Variants in EPHX1 observed in about 807,000 individuals in gnomAD.
EPHX1 encodes epoxide hydratase.
A neutral mutation model predicts 43.2 loss-of-function variants in EPHX1; 40 were observed. The observed-to-expected ratio is 0.93, with a 90% CI of 0.72 to 1.21. The LOEUF is 1.21. Ranked by LOEUF, EPHX1 falls within the 50% of genes most tolerant of loss-of-function variation. EPHX1 has a pLI of 0.00. For synonymous variants in EPHX1, 221 were observed against 226.7 expected (o/e 0.98, Z 0.22); for missense variants, 550 against 570.4 (o/e 0.96, Z 0.36).
In EPHX1 at chr1:225,839,211, T is replaced by TG; in HGVS notation, c.593-5dup. 1.9e-6 allele frequency: 3 copies of TG among 1,614,052 alleles called. No individual in the cohort carries two copies. Among genetic ancestry groups the TG allele is most frequent in the Non-Finnish European group, 2.5e-6 (3 of 1,180,022 alleles). The stretch of plus-strand genomic sequence containing the variant: ...GTGACTCCATGCCTTTCCCCATCAC[T>TG]GCCAGGGTTCAACTCGGTGGCCACC... On this transcript the variant is annotated splice_polypyrimidine_tract_variant and splice_region_variant and intron_variant, in intron 4 of 8. Coordinates refer to ENST00000272167, the MANE Select transcript of EPHX1 (RefSeq NM_001136018.4).
chr1:225,839,751 T>G, intron 5 of EPHX1, 78 bp from the exon 6 acceptor site: 1 of 1,473,962 alleles, frequency 6.8e-7, no homozygotes. Flanking sequence ...CCCTGAGGCC[T>G]GTTCCTCCGC....
chr1:225,833,101 T>C (rs1322039344), intron 3 of EPHX1, among the ~76,000 whole-genome samples: 3 of 152,184 alleles, frequency 2.0e-5, no homozygotes, highest in Admixed American at 2.0e-4. Flanking sequence ...CAAGCAATCC[T>C]CTCGCCTCAG....
At chr1:225,844,264 T>G (rs1576048521) in intron 7 of EPHX1, among the ~76,000 whole-genome samples, 4 of 136,282 alleles carry the variant, frequency 2.9e-5, no homozygotes, top group East Asian at 2.2e-4. Context: ...AGAGGCAAGG[T>G]GGGTGGGGGG....
In EPHX1 at chr1:225,839,331, C is replaced by G; in HGVS notation, c.707C>G (p.Ala236Gly). 1 of 1,613,590 alleles carries G rather than the reference C, an allele frequency of 6.2e-7. No homozygotes were observed. Among genetic ancestry groups the G allele is most frequent in the Non-Finnish European group, 8.5e-7 (1 of 1,179,952 alleles). The change falls in exon 5 of 9, where the codon GCC (alanine) becomes GGC (glycine). Residue 236 changes from alanine to glycine, a missense_variant. Coordinates refer to ENST00000272167, the MANE Select transcript of EPHX1 (RefSeq NM_001136018.4). ...GGGTCCCTGATCTGCACTAATATGG[C>G]CCAGCTGGTGCCCAGGTGAGGTCAC... ...DWGSLICTNMAQLVPSHVKGL... is the reference protein window; with the variant it reads ...DWGSLICTNMGQLVPSHVKGL...
At chr1:225,818,453 G>C (rs1406056372) in intron 1 of EPHX1, among the ~76,000 whole-genome samples, 1 of 152,134 alleles carries the variant, frequency 6.6e-6, no homozygotes, top group Non-Finnish European at 1.5e-5. Context: ...GCTACCCAGA[G>C]GAGGGACAGT....
chr1:225,823,738 C>T (rs1334456029), intron 1 of EPHX1, among the ~76,000 whole-genome samples: 1 of 151,624 alleles, frequency 6.6e-6, no homozygotes. Context: ...CACCCCAGGT[C>T]CTCTGCCGCC....
intron 1 of EPHX1, among the ~76,000 whole-genome samples, chr1:225,823,916 T>G (rs113600549): frequency 1.3e-5 from 2 of 152,144 alleles, no homozygotes; most frequent in Non-Finnish European, 2.9e-5. Flanking sequence ...TGACTGAGCC[T>G]CGAGCCTTTG....
At chr1:225,831,598 A>C (rs1667605079) in intron 2 of EPHX1, among the ~76,000 whole-genome samples, 181 bp from the exon 3 acceptor site, 1 of 152,140 alleles carries the variant, frequency 6.6e-6, no homozygotes, top group Admixed American at 6.5e-5. Flanking sequence ...ACAGTGAAGA[A>C]GGAAGAAGTG....
At chr1:225,832,087 T>TA (rs1667637256) in intron 3 of EPHX1, 128 bp downstream of exon 3, 2 of 1,003,940 alleles carry the variant, frequency 2.0e-6, no homozygotes, top group African/African-American at 3.2e-5. Context: ...GAGATGTACT[T>TA]ATACGTTGTA....
rs769151729 is a variant in EPHX1 at position 225,828,788 on chromosome 1, C to T, written c.59C>T (p.Ser20Phe). ...GGCTTTGCCATCTACTGGTTCATCT[C>T]CCGGGACAAAGAGGAAACTTTGCCA... ...VLGFAIYWFI[S>F]RDKEETLPLE... is the part of the protein sequence containing the mutation. Residue 20 changes from serine (S) to phenylalanine (F), a missense_variant, in exon 2 of 9, where the codon TCC becomes TTC. Transcript: ENST00000272167. 1.2e-6 allele frequency: 2 copies of T among 1,613,860 alleles called. No individual in the cohort carries two copies. The highest frequency in any genetic ancestry group is 1.3e-5 in the African/African-American group (1 of 74,980).
chr1:225,816,145 C>T (rs1248741873), intron 1 of EPHX1, among the ~76,000 whole-genome samples: 1 of 152,008 alleles, frequency 6.6e-6, no homozygotes, highest in African/African-American at 2.4e-5. Flanking sequence ...CAAAAATCAG[C>T]CGGGCATGGT....
At chr1:225,827,114 G>A (rs914645694) in intron 1 of EPHX1, among the ~76,000 whole-genome samples, 1 of 152,178 alleles carries the variant, frequency 6.6e-6, no homozygotes, top group Non-Finnish European at 1.5e-5. Context: ...TAGAGGGGCA[G>A]CTCTTGACAG....
intron 1 of EPHX1, among the ~76,000 whole-genome samples, chr1:225,823,743 G>A (rs1667091167): frequency 6.6e-6 from 1 of 152,008 alleles, no homozygotes; most frequent in Non-Finnish European, 1.5e-5. Flanking sequence ...CAGGTCCTCT[G>A]CCGCCTTGGG....
At chr1:225,842,533 C>A (rs1668516756) in intron 7 of EPHX1, 59 bp downstream of exon 7, 1 of 1,151,894 alleles carries the variant, frequency 8.7e-7, no homozygotes, top group African/African-American at 1.5e-5. Context: ...AACCTCCTCA[C>A]CCTCTTCATC....
intron 3 of EPHX1, among the ~76,000 whole-genome samples, chr1:225,834,112 GA>G (rs59007136): frequency 0.33 from 34,808 of 105,528 alleles, 6,878 homozygotes; most frequent in East Asian, 0.45. Context: ...AAAAAAAAAA[GA>G]AAAAAAAAAA....
chr1:225,843,341 AGGAAAGGGTGCTT>A (rs1328968750), intron 7 of EPHX1, among the ~76,000 whole-genome samples: 1 of 152,324 alleles, frequency 6.6e-6, no homozygotes, highest in East Asian at 1.9e-4. Flanking sequence ...TAAAAATGCA[AGGAAAGGGTGCTT>A]GGAAAGGGTG....
chr1:225,816,413 T>A (rs1666728132), intron 1 of EPHX1, among the ~76,000 whole-genome samples: 1 of 152,218 alleles, frequency 6.6e-6, no homozygotes, highest in Admixed American at 6.5e-5. Flanking sequence ...GGTGGTGAAC[T>A]GGGTTCTGCT....
rs886067755 is a variant in EPHX1, at chr1:225,845,270, C to T, written c.1291C>T (p.His431Tyr). The T allele has an allele frequency of 3.1e-6, 5 of 1,613,566 alleles. No homozygotes were observed. The highest frequency in any genetic ancestry group is 4.2e-6 in the Non-Finnish European group (5 of 1,180,000). ...ISYSYMVRGG[H>Y]FAAFEEPELL... ...CTATTCCTACATGGTTCGTGGGGGCCACTTTGCGGCCTTTGAGGAGCCGGA... is the reference window on the plus strand; with the variant it reads ...CTATTCCTACATGGTTCGTGGGGGCTACTTTGCGGCCTTTGAGGAGCCGGA... Residue 431 changes from histidine (H) to tyrosine (Y), a missense_variant, in exon 9 of 9, where the codon CAC becomes TAC. Transcript: ENST00000272167.
intron 3 of EPHX1, 58 bp from the exon 4 acceptor site, chr1:225,838,596 G>A: frequency 2.7e-6 from 4 of 1,497,824 alleles, no homozygotes; most frequent in Non-Finnish European, 3.7e-6. Flanking sequence ...GGGTGCCAGA[G>A]CCTGACCGTG....
Sources: gnomAD v4.1 joint callset for allele counts (sites outside exome capture counted in the v4.1 genomes callset) on GRCh38, gnomAD v4.1.1 for gene constraint, MANE v1.5 for transcripts, NCBI Gene and HGNC (gene_info 2026-07-23, HGNC 2026-07-21) for gene names.